ANGPT1: variants seen among roughly 807,000 people sequenced by gnomAD.
ANGPT1 encodes the protein angiopoietin 1, also known as angiopoietin-1.
In ANGPT1, 17 loss-of-function variants were observed where a neutral mutation model predicts 62.2. The ratio of observed to expected loss-of-function variants is 0.27; its 90% CI spans 0.19 to 0.41. The LOEUF is 0.41. ANGPT1 is among the 10% of genes least tolerant of loss of function. ANGPT1 has a pLI of 1.00. For missense variants in ANGPT1, 478 were observed against 594.9 expected (o/e 0.80, Z 2.04); for synonymous variants, 199 against 198.9 (o/e 1.00, Z 0.00).
At chr8:107,299,411 A>G (rs1267443132) in intron 5 of ANGPT1, among the ~76,000 whole-genome samples, 2 of 142,472 alleles carry the variant, frequency 1.4e-5, no homozygotes, top group Non-Finnish European at 3.1e-5. Context: ...ATATATATAT[A>G]TATATATATA....
intron 1 of ANGPT1, among the ~76,000 whole-genome samples, chr8:107,393,928 G>A (rs987309140): frequency 3.9e-5 from 6 of 152,176 alleles, no homozygotes; most frequent in Non-Finnish European, 7.4e-5. Context: ...AAGCAGAATC[G>A]TAAGTGAAAA....
chr8:107,284,579 A>T, intron 7 of ANGPT1, 103 bp downstream of exon 7: 1 of 1,119,484 alleles, frequency 8.9e-7, no homozygotes. Context: ...AAGAATTTTC[A>T]TTTTGAAGGA....
chr8:107,286,127 T>A (rs766890654), intron 6 of ANGPT1, among the ~76,000 whole-genome samples: 7 of 152,128 alleles, frequency 4.6e-5, no homozygotes, highest in Non-Finnish European at 8.8e-5. Flanking sequence ...AAATGTTTCT[T>A]AAAGTGCCCA....
chr8:107,250,855 T>C lies in ANGPT1; in HGVS notation c.*1000A>G, dbSNP rs1813234320. On this transcript the variant is annotated 3_prime_UTR_variant, in exon 9 of 9. Transcript: ENST00000517746. ...TTTTAAAATAATGAAGTTACATGTA[T>C]GTATACACATGCAAGTAGATACTGT... The C allele has an allele frequency of 1.3e-5, 2 of 152,128 alleles. No homozygotes were observed. The highest frequency in any genetic ancestry group is 2.4e-5 in the African/African-American group (1 of 41,450). The allele number at this position is 152,128 out of a possible 1,614,324, so 9.4% of individuals were successfully genotyped here. A position where few individuals can be genotyped will look rare whatever the true frequency, so the allele number is the denominator to read the frequency against.
At chr8:107,312,352 C>T (rs1814894405) in intron 4 of ANGPT1, among the ~76,000 whole-genome samples, 1 of 152,024 alleles carries the variant, frequency 6.6e-6, no homozygotes, top group Non-Finnish European at 1.5e-5. Flanking sequence ...AAAAGATTTC[C>T]CATACATGTG....
intron 1 of ANGPT1, among the ~76,000 whole-genome samples, chr8:107,423,798 T>C (rs990564169): frequency 2.0e-5 from 3 of 150,572 alleles, no homozygotes; most frequent in Non-Finnish European, 4.4e-5. Flanking sequence ...TTAGAGGAAA[T>C]GATTTCAGGT....
At chr8:107,437,933 G>A (rs1028250003) in intron 1 of ANGPT1, among the ~76,000 whole-genome samples, 8 of 152,340 alleles carry the variant, frequency 5.3e-5, no homozygotes, top group Middle Eastern at 3.4e-3. Flanking sequence ...CAGAACCTGT[G>A]TAGGGCACTC....
At chr8:107,391,225 T>A (rs1003910110) in intron 1 of ANGPT1, among the ~76,000 whole-genome samples, 1 of 152,204 alleles carries the variant, frequency 6.6e-6, no homozygotes, top group Non-Finnish European at 1.5e-5. Context: ...TGGGGCTGAA[T>A]CTTCTGGGTA....
At chr8:107,328,840 A>T (rs532001166) in intron 3 of ANGPT1, among the ~76,000 whole-genome samples, 1 of 152,102 alleles carries the variant, frequency 6.6e-6, no homozygotes, top group East Asian at 1.9e-4. Context: ...ATGTGAAGAT[A>T]ACTTGTGAAT....
chr8:107,349,040 C>T (rs962212013), intron 1 of ANGPT1, among the ~76,000 whole-genome samples: 6 of 152,042 alleles, frequency 3.9e-5, no homozygotes, highest in African/African-American at 1.4e-4. Context: ...ATGCCCAATA[C>T]AGTTGATGCC....
chr8:107,268,406 T>TTGTGTGTGTGTGTG (rs10655133), intron 7 of ANGPT1, among the ~76,000 whole-genome samples: 3 of 144,648 alleles, frequency 2.1e-5, no homozygotes, highest in Admixed American at 6.9e-5. Context: ...ACATGTAGGG[T>TTGTGTGTGTGTGTG]TGTGTGTGTG....
intron 1 of ANGPT1, among the ~76,000 whole-genome samples, chr8:107,398,753 C>A (rs1241466361): frequency 6.6e-6 from 1 of 152,020 alleles, no homozygotes; most frequent in Non-Finnish European, 1.5e-5. Flanking sequence ...TTTTTCAAGT[C>A]TGCTTTTACA....
intron 4 of ANGPT1, among the ~76,000 whole-genome samples, chr8:107,317,923 G>T (rs1326639167): frequency 1.3e-5 from 2 of 152,068 alleles, no homozygotes; most frequent in African/African-American, 4.8e-5. Context: ...GAGCCACCGC[G>T]CCTGGCCAAC....
At chr8:107,420,066 A>G (rs934338235) in intron 1 of ANGPT1, among the ~76,000 whole-genome samples, 5 of 152,224 alleles carry the variant, frequency 3.3e-5, no homozygotes, top group Non-Finnish European at 5.9e-5. Context: ...CTCAGATACC[A>G]TGAAGCTTTT....
At chr8:107,461,437 C>T (rs886186082) in intron 1 of ANGPT1, among the ~76,000 whole-genome samples, 1 of 152,104 alleles carries the variant, frequency 6.6e-6, no homozygotes, top group African/African-American at 2.4e-5. Context: ...TCGGTCCTAT[C>T]ACATTTTAAT....
At chr8:107,371,125 T>C (rs1051073012) in intron 1 of ANGPT1, among the ~76,000 whole-genome samples, 1 of 152,170 alleles carries the variant, frequency 6.6e-6, no homozygotes, top group Non-Finnish European at 1.5e-5. Context: ...GCCATCTCAA[T>C]AGGGTTTTTA....
intron 1 of ANGPT1, among the ~76,000 whole-genome samples, chr8:107,453,056 G>A (rs1811819861): frequency 1.3e-5 from 2 of 151,996 alleles, no homozygotes; most frequent in South Asian, 4.1e-4. Flanking sequence ...CTCTTTAAAT[G>A]ATGGTGCCCA....
At chr8:107,421,593 G>C (rs1399598794) in intron 1 of ANGPT1, among the ~76,000 whole-genome samples, 1 of 152,174 alleles carries the variant, frequency 6.6e-6, no homozygotes, top group Non-Finnish European at 1.5e-5. Flanking sequence ...GTATACAAAA[G>C]AGGAGTCTTG....
intron 1 of ANGPT1, among the ~76,000 whole-genome samples, chr8:107,464,474 C>T (rs1322951149): frequency 6.6e-6 from 1 of 151,994 alleles, no homozygotes; most frequent in East Asian, 1.9e-4. Flanking sequence ...ATTCAATACA[C>T]ATTTATCTTG....
Sources: allele counts gnomAD v4.1 joint callset (sites outside exome capture counted in the v4.1 genomes callset), GRCh38; gene constraint gnomAD v4.1.1; transcripts MANE v1.5; gene names NCBI Gene and HGNC (gene_info 2026-07-23, HGNC 2026-07-21).